Variants in ADAMTS17 observed in about 807,000 individuals in gnomAD.
ADAMTS17 encodes the protein A disintegrin and metalloproteinase with thrombospondin motifs 17.
Under a neutral mutation model 141.5 loss-of-function variants are expected in ADAMTS17, and 113 were observed. The observed-to-expected ratio is 0.80, with a 90% CI of 0.69 to 0.93. ADAMTS17 has a LOEUF of 0.93. ADAMTS17 is among the 40% of genes least tolerant of loss of function. The pLI, the probability that ADAMTS17 is intolerant of heterozygous loss-of-function variation, is 0.00. For synonymous variants in ADAMTS17, 768 were observed against 630.6 expected (o/e 1.22, Z -3.27); for missense variants, 1,659 against 1,517.9 (o/e 1.09, Z -1.54).
At chr15:100,258,580 A>AC (rs1246112748) in intron 6 of ADAMTS17, among the ~76,000 whole-genome samples, 4 of 151,944 alleles carry the variant, frequency 2.6e-5, no homozygotes, top group Admixed American at 2.6e-4. Context: ...GCAGGGAAAC[A>AC]CCCCCTTATA....
chr15:100,041,449 T>C (rs906729576), intron 18 of ADAMTS17, among the ~76,000 whole-genome samples: 1 of 152,212 alleles, frequency 6.6e-6, no homozygotes, highest in Non-Finnish European at 1.5e-5. Context: ...TCCACTTCAT[T>C]GGCAGCCCCT....
intron 8 of ADAMTS17, among the ~76,000 whole-genome samples, chr15:100,194,574 A>G (rs1161460636): frequency 6.6e-6 from 1 of 152,244 alleles, no homozygotes; most frequent in African/African-American, 2.4e-5. Flanking sequence ...CAGTCAGCAT[A>G]GAGCTGAGCT....
At chr15:99,992,985 G>C in intron 20 of ADAMTS17, 63 bp downstream of exon 20, 1 of 1,606,194 alleles carries the variant, frequency 6.2e-7, no homozygotes, top group East Asian at 2.2e-5. Flanking sequence ...CAAGAGCTGA[G>C]TTCCCGACCC....
chr15:100,003,946 G>A (rs1436731423), intron 18 of ADAMTS17, among the ~76,000 whole-genome samples: 1 of 150,690 alleles, frequency 6.6e-6, no homozygotes, highest in Non-Finnish European at 1.5e-5. Flanking sequence ...GGATGGTGGT[G>A]ATGGCTGCAC....
At chr15:100,192,680 GT>G (rs775800576) in intron 8 of ADAMTS17, among the ~76,000 whole-genome samples, 1 of 152,178 alleles carries the variant, frequency 6.6e-6, no homozygotes, top group Non-Finnish European at 1.5e-5. Flanking sequence ...TCCATTCCGT[GT>G]CCCCACAGCA....
At chr15:99,979,534 C>T (rs1021100304) in intron 20 of ADAMTS17, 21 of 152,268 alleles carry the variant, frequency 1.4e-4, no homozygotes, top group African/African-American at 3.4e-4. Context: ...AAACGCAGAG[C>T]GAAGTCACGC....
chr15:100,112,292 A>G (rs1330558318), intron 13 of ADAMTS17, among the ~76,000 whole-genome samples: 1 of 152,092 alleles, frequency 6.6e-6, no homozygotes, highest in African/African-American at 2.4e-5. Context: ...ACTGCCCTCC[A>G]CAGCTTGGAC....
chr15:100,289,841 A>C (rs1299930045), intron 3 of ADAMTS17, among the ~76,000 whole-genome samples: 7 of 152,204 alleles, frequency 4.6e-5, no homozygotes, highest in Non-Finnish European at 2.9e-5. Context: ...AACCCTCCAC[A>C]AACTACATAT....
At chr15:100,300,727 T>C (rs115415150) in intron 3 of ADAMTS17, among the ~76,000 whole-genome samples, 80 of 152,330 alleles carry the variant, frequency 5.3e-4, no homozygotes, top group African/African-American at 1.9e-3. Context: ...CACCACATCA[T>C]CACATGGGCT....
At chr15:100,125,933 G>T (rs1214500554) in intron 12 of ADAMTS17, among the ~76,000 whole-genome samples, 1 of 152,110 alleles carries the variant, frequency 6.6e-6, no homozygotes, top group Non-Finnish European at 1.5e-5. Flanking sequence ...TAAAGTGAAG[G>T]GGGTGAGAAG....
chr15:100,295,660 A>T (rs190295110), intron 3 of ADAMTS17, among the ~76,000 whole-genome samples: 22 of 152,286 alleles, frequency 1.4e-4, no homozygotes, highest in Admixed American at 1.2e-3. Context: ...CCCTAGGATG[A>T]TACCTATCTC....
rs536078888 is a variant in ADAMTS17 at position 100,307,724 on chromosome 15, C to T, written c.616+23165G>A. On this transcript the variant is annotated intron_variant, in intron 3 of 21. Transcript: ENST00000268070. ...GGAGAAAATGAGATAGCCGATGTCA[C>T]GTGCCGCGTGCAGTGCCAGGTGTGG... 2.5e-3 allele frequency among the ~76,000 whole-genome samples: 388 copies of T among 152,298 alleles called. 3 individuals are homozygous for T. Among genetic ancestry groups the T allele is most frequent in the South Asian group, 0.015 (71 of 4,830 alleles).
At chr15:100,100,683 G>A (rs945002352) in intron 14 of ADAMTS17, among the ~76,000 whole-genome samples, 2 of 152,122 alleles carry the variant, frequency 1.3e-5, no homozygotes, top group Non-Finnish European at 2.9e-5. Context: ...CCACTCCCTA[G>A]TTTACACCCT....
chr15:100,058,585 C>G (rs568776131), intron 15 of ADAMTS17, among the ~76,000 whole-genome samples: 30 of 152,036 alleles, frequency 2.0e-4, no homozygotes, highest in African/African-American at 7.2e-4. Flanking sequence ...GGTTATAAGA[C>G]CATCCTCAGA....
intron 20 of ADAMTS17, among the ~76,000 whole-genome samples, chr15:99,989,167 A>G (rs1012087117): frequency 1.3e-5 from 2 of 152,164 alleles, no homozygotes; most frequent in Non-Finnish European, 2.9e-5. Flanking sequence ...GAGTCACGGA[A>G]CTGCTCTGAG....
chr15:100,279,974 C>A (rs1385645226), intron 4 of ADAMTS17, among the ~76,000 whole-genome samples: 1 of 152,176 alleles, frequency 6.6e-6, no homozygotes, highest in African/African-American at 2.4e-5. Context: ...ACAACCTCCT[C>A]CCAGGTCGTT....
At chr15:100,323,084 C>CAAAAAAAAAAAAA (rs60468549) in intron 3 of ADAMTS17, among the ~76,000 whole-genome samples, 1 of 107,486 alleles carries the variant, frequency 9.3e-6, no homozygotes, top group Non-Finnish European at 1.8e-5. Flanking sequence ...GACTCCGTCT[C>CAAAAAAAAAAAAA]AAAAAAAAAA....
In ADAMTS17 at chr15:100,178,360, C is replaced by T. The variant is rs146146109; in HGVS notation, c.1181+20958G>A. On this transcript the variant is annotated intron_variant, in intron 8 of 21. Coordinates refer to ENST00000268070, the MANE Select transcript of ADAMTS17 (RefSeq NM_139057.4). Reference sequence around the variant, plus strand: ...TCTTCTAGGTATTGCCATATACACACATCACAGCCAACTGGTGTTGACATT... The same window carrying T: ...TCTTCTAGGTATTGCCATATACACATATCACAGCCAACTGGTGTTGACATT... Among the ~76,000 whole-genome samples, 388 of 152,274 alleles carry T rather than the reference C, an allele frequency of 2.5e-3. 2 individuals carry two copies. The highest frequency in any genetic ancestry group is 8.0e-3 in the African/African-American group (332 of 41,574).
intron 7 of ADAMTS17, among the ~76,000 whole-genome samples, chr15:100,206,924 C>A (rs1022489629): frequency 1.3e-5 from 2 of 152,154 alleles, no homozygotes; most frequent in Admixed American, 6.5e-5. Flanking sequence ...GGGCCACGAG[C>A]GGAGGCTGCT....
Sources: gnomAD v4.1 joint callset for allele counts (sites outside exome capture counted in the v4.1 genomes callset) on GRCh38, gnomAD v4.1.1 for gene constraint, MANE v1.5 for transcripts, NCBI Gene and HGNC (gene_info 2026-07-23, HGNC 2026-07-21) for gene names.